Variants in USP25 observed in about 807,000 individuals in gnomAD.
USP25 encodes ubiquitin specific peptidase 25, also known as ubiquitin carboxyl-terminal hydrolase 25.
Under a neutral mutation model 158.5 loss-of-function variants are expected in USP25, and 85 were observed. The ratio of observed to expected loss-of-function variants is 0.54; its 90% confidence interval spans 0.45 to 0.64. USP25 has a LOEUF of 0.64. Ranked by LOEUF, USP25 falls within the 30% of genes least tolerant of loss-of-function variation. The pLI is 0.00. For missense variants in USP25, 1,242 were observed against 1,327.3 expected, an observed-to-expected ratio of 0.94 and a Z score of 1.00; for synonymous variants, 464 against 460.4, an observed-to-expected ratio of 1.01 and a Z score of -0.10.
intron 20 of USP25, among the ~76,000 whole-genome samples, chr21:15,854,903 T>A (rs1167711528): frequency 6.6e-6 from 1 of 152,206 alleles, no homozygotes; most frequent in Non-Finnish European, 1.5e-5. Flanking sequence ...CTTTAATGGT[T>A]AAAACTAGTT....
At chr21:15,785,626 G>A (rs557737080) in intron 4 of USP25, among the ~76,000 whole-genome samples, 48 of 152,142 alleles carry the variant, frequency 3.2e-4, no homozygotes, top group African/African-American at 1.1e-3. Context: ...ACAAAGGAGC[G>A]TGGAAACACA....
intron 20 of USP25, among the ~76,000 whole-genome samples, chr21:15,856,490 G>A (rs78142930): frequency 1.7e-5 from 2 of 121,206 alleles, no homozygotes; most frequent in South Asian, 2.5e-4. Context: ...TTTTTTTTTT[G>A]AGACGGAGTC....
chr21:15,817,188 A>C (rs1324604481), intron 9 of USP25, among the ~76,000 whole-genome samples: 3 of 151,238 alleles, frequency 2.0e-5, no homozygotes, highest in Non-Finnish European at 3.0e-5. Flanking sequence ...AAAAAAAAAT[A>C]GTAATCATTA....
In USP25 at chr21:15,827,023, T is replaced by A. The variant is rs1323555491; in HGVS notation, c.1513T>A (p.Ser505Thr). 1 of 1,614,126 alleles carries A rather than the reference T, an allele frequency of 6.2e-7. No homozygotes were observed. The highest frequency in any genetic ancestry group is 1.1e-5 in the South Asian group (1 of 91,084). Reference sequence around the variant, plus strand: ...CCTATCTTCAGAACTGCCAAGCACATCACCTTCATCAGTTGCTGCCATTTC... The same window carrying A: ...CCTATCTTCAGAACTGCCAAGCACAACACCTTCATCAGTTGCTGCCATTTC... ...GALSSELPSTSPSSVAAISSR... is the reference protein window; with the variant it reads ...GALSSELPSTTPSSVAAISSR... Residue 505 changes from serine to threonine, a missense_variant, in exon 14 of 26, where the codon TCA becomes ACA. Ser to Thr is a moderately conservative substitution (Grantham distance 58, BLOSUM62 1). Around this residue, in one of 3 missense-constraint regions of USP25, gnomAD observed 627 missense variants for 701.4 expected, o/e 0.89. Transcript: ENST00000400183.
Position 15,777,994 on chromosome 21 carries a change from C to G in USP25, c.359C>G (p.Thr120Ser), listed in dbSNP as rs544254562. The part of the protein sequence containing the change: ...LAESNRAFRE[T>S]GITDEEQAIS... ...GAATCAAACAGGGCATTCAGGGAGACTGGAATAACTGATGAGGAACAAGCC... is the reference window on the plus strand; with the variant it reads ...GAATCAAACAGGGCATTCAGGGAGAGTGGAATAACTGATGAGGAACAAGCC... The change falls in exon 4 of 26, where the codon ACT becomes AGT. Residue 120 changes from threonine (T) to serine (S), a missense_variant. Physicochemically the swap from Thr to Ser is moderately conservative, Grantham distance 58. Coordinates refer to ENST00000400183, the MANE Select transcript of USP25 (RefSeq NM_001283041.3). The G allele has an allele frequency of 1.2e-6, 2 of 1,610,346 alleles. No homozygotes were observed. The highest frequency in any genetic ancestry group is 2.2e-5 in the South Asian group (2 of 90,462).
intron 6 of USP25, among the ~76,000 whole-genome samples, chr21:15,802,533 A>T (rs770459546): frequency 2.6e-4 from 39 of 151,742 alleles, no homozygotes; most frequent in Middle Eastern, 3.4e-3. Context: ...GAAGTAATTC[A>T]CCTCTAAATA....
chr21:15,748,998 A>G (rs998876716), intron 1 of USP25, among the ~76,000 whole-genome samples: 2 of 151,526 alleles, frequency 1.3e-5, no homozygotes, highest in African/African-American at 2.4e-5. Flanking sequence ...TGTAACAGAT[A>G]TGCTCTCAAG....
At chr21:15,799,714 G>A in intron 5 of USP25, 43 bp from the exon 6 acceptor site, 1 of 1,368,038 alleles carries the variant, frequency 7.3e-7, no homozygotes, top group South Asian at 1.4e-5. Context: ...TTCTGCTAAT[G>A]GAATTTTCCC....
rs868296675 is a variant in USP25 at position 15,766,093 on chromosome 21, C to T, written c.220C>T (p.Leu74Phe). Residue 74 changes from leucine to phenylalanine, a missense_variant, in exon 3 of 26, where the codon CTT becomes TTT. Leu to Phe is a conservative substitution (Grantham distance 22, BLOSUM62 0). Coordinates refer to ENST00000400183, the MANE Select transcript of USP25 (RefSeq NM_001283041.3). The surrounding 1 kb of genome is among the most constrained non-coding windows in gnomAD (Gnocchi z 4.0). The part of the protein sequence containing the change: ...QEETTYYQTA[L>F]PGNDRYISVG... ...GGAGACAACTTACTACCAAACAGCACTTCCTGGCAATGATAGATACATCAG... is the reference window on the plus strand; with the variant it reads ...GGAGACAACTTACTACCAAACAGCATTTCCTGGCAATGATAGATACATCAG... The T allele has an allele frequency of 1.2e-6, 2 of 1,610,570 alleles. No individual in the cohort carries two copies. Among genetic ancestry groups the T allele is most frequent in the Middle Eastern group, 3.3e-4 (2 of 6,042 alleles).
intron 6 of USP25, among the ~76,000 whole-genome samples, chr21:15,800,832 A>T (rs1168406621): frequency 6.6e-6 from 1 of 151,558 alleles, no homozygotes; most frequent in African/African-American, 2.4e-5. Context: ...TTCTGTAAAC[A>T]CGTGAAACAT....
At chr21:15,844,971 A>G (rs2038510349) in intron 18 of USP25, among the ~76,000 whole-genome samples, 1 of 152,118 alleles carries the variant, frequency 6.6e-6, no homozygotes, top group East Asian at 1.9e-4. Flanking sequence ...ACTCAATCGT[A>G]TATTTGTGTC....
chr21:15,783,201 A>G (rs2035065219), intron 4 of USP25, among the ~76,000 whole-genome samples: 1 of 146,924 alleles, frequency 6.8e-6, no homozygotes, highest in Non-Finnish European at 1.5e-5. Flanking sequence ...TAACCCATTC[A>G]GAAGAAGAAA....
rs1208144618 is a variant in USP25 at position 15,766,484 on chromosome 21, C to T, written c.268+343C>T. 6.6e-6 allele frequency among the ~76,000 whole-genome samples: 1 copy of T among 151,902 alleles called. No individual in the cohort carries two copies. The highest frequency in any genetic ancestry group is 6.6e-5 in the Admixed American group (1 of 15,228). ...AGTGCTGGTAGAGGCTTTAGTATTT[C>T]TTTTGAGGTTAAAGTATTATTTCTA... is the stretch of plus-strand genomic sequence containing the variant. On this transcript the variant is annotated intron_variant, in intron 3 of 25. Coordinates refer to ENST00000400183, the MANE Select transcript of USP25 (RefSeq NM_001283041.3). The surrounding 1 kb of genome is among the most constrained non-coding windows in gnomAD (Gnocchi z 4.0).
intron 1 of USP25, among the ~76,000 whole-genome samples, chr21:15,752,677 T>G (rs2033109769): frequency 6.6e-6 from 1 of 152,208 alleles, no homozygotes; most frequent in African/African-American, 2.4e-5. Context: ...TCATAAAGTA[T>G]CTCATTTCTT....
intron 10 of USP25, among the ~76,000 whole-genome samples, chr21:15,823,595 C>T (rs567808627): frequency 7.9e-5 from 12 of 152,024 alleles, no homozygotes; most frequent in South Asian, 2.1e-4. Flanking sequence ...AGAGTTGTGA[C>T]GATTTATGAT....
chr21:15,839,293 G>A (rs1408529868), intron 17 of USP25, among the ~76,000 whole-genome samples: 1 of 152,088 alleles, frequency 6.6e-6, no homozygotes, highest in African/African-American at 2.4e-5. Flanking sequence ...TGGCATTTAG[G>A]GAATTTATAG....
chr21:15,870,616 TAAG>T (rs556553838), intron 23 of USP25, among the ~76,000 whole-genome samples: 73 of 152,340 alleles, frequency 4.8e-4, no homozygotes, highest in African/African-American at 1.6e-3. Context: ...TAATTGTTAT[TAAG>T]AAGAAAGGAT....
At chr21:15,858,093 G>A (rs2039245408) in intron 20 of USP25, among the ~76,000 whole-genome samples, 1 of 151,976 alleles carries the variant, frequency 6.6e-6, no homozygotes, top group Admixed American at 6.6e-5. Context: ...TGATCTTATT[G>A]TAGATCGTTT....
chr21:15,873,779 C>T (rs184510818), intron 23 of USP25, among the ~76,000 whole-genome samples: 331 of 152,208 alleles, frequency 2.2e-3, no homozygotes, highest in Non-Finnish European at 3.8e-3. Context: ...AGGTGTGAGC[C>T]GCCGCACCCG....
Sources: allele counts gnomAD v4.1 joint callset (sites outside exome capture counted in the v4.1 genomes callset), GRCh38; gene constraint gnomAD v4.1.1; regional missense constraint gnomAD v4.1.1; non-coding constraint Gnocchi (gnomAD v3.1); transcripts MANE v1.5; gene names NCBI Gene and HGNC (gene_info 2026-07-23, HGNC 2026-07-21).